RERE: variants seen among roughly 807,000 people sequenced by gnomAD.
RERE encodes arginine-glutamic acid dipeptide repeats protein.
Under a neutral mutation model 146.1 loss-of-function variants are expected in RERE, and 40 were observed. That is an observed-to-expected ratio of 0.27 (90% confidence interval 0.21 to 0.36). RERE has a LOEUF of 0.36. Among genes scored for constraint, RERE ranks in the 10% least tolerant of loss-of-function variants. RERE has a pLI of 1.00. For missense variants in RERE, 1,933 were observed against 2,138.7 expected, an observed-to-expected ratio of 0.90 and a Z score of 1.90; for synonymous variants, 1,003 against 866.0, an observed-to-expected ratio of 1.16 and a Z score of -2.78.
chr1:8,496,595 C>T (rs1645049253), intron 9 of RERE, among the ~76,000 whole-genome samples: 1 of 152,154 alleles, frequency 6.6e-6, no homozygotes, highest in South Asian at 2.1e-4. Context: ...TTTTTGTTGT[C>T]GTTGCCAAGA....
At chr1:8,598,370 G>A (rs113761087) in intron 4 of RERE, among the ~76,000 whole-genome samples, 1 of 152,156 alleles carries the variant, frequency 6.6e-6, no homozygotes, top group Non-Finnish European at 1.5e-5. Flanking sequence ...ATTCCAGCAG[G>A]TGACAGGTGG....
At chr1:8,670,175 T>C (rs918509824) in intron 1 of RERE, among the ~76,000 whole-genome samples, 1 of 152,128 alleles carries the variant, frequency 6.6e-6, no homozygotes, top group African/African-American at 2.4e-5. Flanking sequence ...GTTAACCTGA[T>C]GTCATTCAAA....
At chr1:8,467,244 G>A (rs1287809947) in intron 10 of RERE, among the ~76,000 whole-genome samples, 1 of 152,172 alleles carries the variant, frequency 6.6e-6, no homozygotes, top group Non-Finnish European at 1.5e-5. Context: ...GAACATTCAG[G>A]TCAAGTAAAG....
intron 1 of RERE, among the ~76,000 whole-genome samples, chr1:8,789,934 A>T (rs1398929417): frequency 6.6e-6 from 1 of 152,210 alleles, no homozygotes; most frequent in East Asian, 1.9e-4. Flanking sequence ...TGTTATGCTA[A>T]ACAGTAAGTA....
At chr1:8,741,679 C>T (rs1180607292) in intron 1 of RERE, among the ~76,000 whole-genome samples, 1 of 152,170 alleles carries the variant, frequency 6.6e-6, no homozygotes, top group Admixed American at 6.5e-5. Flanking sequence ...CTGGGGCCTC[C>T]CCAGCATTGT....
chr1:8,759,065 C>A (rs1640702513), intron 1 of RERE, among the ~76,000 whole-genome samples: 1 of 151,968 alleles, frequency 6.6e-6, no homozygotes, highest in South Asian at 2.1e-4. Context: ...TGCTTAAGCC[C>A]AGGAGTTGGA....
intron 11 of RERE, among the ~76,000 whole-genome samples, chr1:8,449,403 T>C (rs978715345): frequency 6.6e-6 from 1 of 152,182 alleles, no homozygotes; most frequent in African/African-American, 2.4e-5. Flanking sequence ...CTGTCTCTCC[T>C]GGCCATGGGG....
chr1:8,630,701 CAG>C (rs775638306), intron 2 of RERE, among the ~76,000 whole-genome samples: 1 of 152,102 alleles, frequency 6.6e-6, no homozygotes, highest in African/African-American at 2.4e-5. Flanking sequence ...ATCTAGGTGA[CAG>C]AGTGAGACCC....
Position 8,361,377 on chromosome 1 carries a change from G to A in RERE, c.2130C>T (p.Ser710=). The part of the protein sequence containing the change: ...DPKDIDQDNR[S]TSPSIPSPQD... ...GGGGGCTGGGGATGCTCGGGGACGTGCTGCGATTGTCCTGGTCGATGTCTT... is the reference window on the plus strand; with the variant it reads ...GGGGGCTGGGGATGCTCGGGGACGTACTGCGATTGTCCTGGTCGATGTCTT... Residue 710 remains serine, a synonymous_variant, in exon 18 of 23, where the codon AGC becomes AGT. Transcript: ENST00000400908. 6.2e-7 allele frequency: 1 copy of A among 1,613,804 alleles called. No homozygotes were observed. Among genetic ancestry groups the A allele is most frequent in the Non-Finnish European group, 8.5e-7 (1 of 1,179,832 alleles).
At chr1:8,489,103 G>A (rs1486121813) in intron 10 of RERE, among the ~76,000 whole-genome samples, 6 of 152,034 alleles carry the variant, frequency 3.9e-5, no homozygotes, top group Non-Finnish European at 5.9e-5. Context: ...CGGCATTTTG[G>A]GAAGCTGAAG....
rs145436025 is a variant in RERE, at chr1:8,656,972, C to A, written c.-144-531G>T. ...CCAACATAAAATAAAATATTTCTAC[C>A]TGAAAAAATAGTAATAGTTTGCAGC... On this transcript the variant is annotated intron_variant, in intron 1 of 22. Coordinates refer to ENST00000400908, the MANE Select transcript of RERE (RefSeq NM_001042681.2). 7.6e-3 allele frequency among the ~76,000 whole-genome samples: 1,155 copies of A among 152,102 alleles called. 17 individuals carry two copies. The highest frequency in any genetic ancestry group is 0.027 in the African/African-American group (1,120 of 41,494).
intron 10 of RERE, among the ~76,000 whole-genome samples, chr1:8,485,861 C>T (rs1024317312): frequency 1.4e-4 from 20 of 145,298 alleles, no homozygotes; most frequent in African/African-American, 2.6e-4. Flanking sequence ...TGCAGTGGCG[C>T]GATCTTGGCT....
At chr1:8,665,319 A>G (rs1178821008) in intron 1 of RERE, among the ~76,000 whole-genome samples, 3 of 152,224 alleles carry the variant, frequency 2.0e-5, no homozygotes, top group Non-Finnish European at 2.9e-5. Context: ...CCTCCCAGCT[A>G]GAAGTTCCTT....
At chr1:8,778,031 G>A (rs995752639) in intron 1 of RERE, among the ~76,000 whole-genome samples, 4 of 152,020 alleles carry the variant, frequency 2.6e-5, no homozygotes, top group African/African-American at 9.7e-5. Context: ...CTACCCTGAA[G>A]AATGGGTTAT....
intron 1 of RERE, among the ~76,000 whole-genome samples, chr1:8,745,930 T>A (rs1392217548): frequency 1.3e-5 from 2 of 152,288 alleles, no homozygotes; most frequent in East Asian, 3.9e-4. Context: ...TAGCCAAGCA[T>A]GGCAGCACAT....
chr1:8,544,031 G>C lies in RERE; in HGVS notation c.726-2713C>G, dbSNP rs900764104. On this transcript the variant is annotated intron_variant, in intron 6 of 22. Coordinates refer to ENST00000400908, the MANE Select transcript of RERE (RefSeq NM_001042681.2). ...CATCCTTGGCTAGTTCCTGATGTCAGTGGAAATGTCTCTCATGTGTTCCTA... is the reference window on the plus strand; with the variant it reads ...CATCCTTGGCTAGTTCCTGATGTCACTGGAAATGTCTCTCATGTGTTCCTA... 5.9e-4 allele frequency among the ~76,000 whole-genome samples: 90 copies of C among 152,120 alleles called. 2 individuals are homozygous for C. The highest frequency in any genetic ancestry group is 5.8e-3 in the Admixed American group (88 of 15,276).
intron 1 of RERE, among the ~76,000 whole-genome samples, chr1:8,720,032 G>A (rs1356370878): frequency 6.6e-6 from 1 of 151,974 alleles, no homozygotes; most frequent in African/African-American, 2.4e-5. Context: ...TGGGGCGGCT[G>A]AGGCGGGCAA....
intron 8 of RERE, among the ~76,000 whole-genome samples, chr1:8,498,816 T>G (rs4908503): frequency 0.86 from 128,990 of 149,550 alleles, 56,127 homozygotes; most frequent in African/African-American, 0.97. Context: ...GGCAGTGATT[T>G]CTTTACGAAA....
intron 11 of RERE, among the ~76,000 whole-genome samples, chr1:8,453,322 C>T (rs941389467): frequency 1.3e-5 from 2 of 152,172 alleles, no homozygotes; most frequent in Non-Finnish European, 2.9e-5. Flanking sequence ...AAATCCAGAG[C>T]CCACCCCACT....
Sources: gnomAD v4.1 joint callset for allele counts (sites outside exome capture counted in the v4.1 genomes callset) on GRCh38, gnomAD v4.1.1 for gene constraint, MANE v1.5 for transcripts, NCBI Gene and HGNC (gene_info 2026-07-23, HGNC 2026-07-21) for gene names.